Variants in XPO4 observed in about 807,000 individuals in gnomAD.
The protein encoded by XPO4 is exportin 4.
A neutral mutation model predicts 143.0 loss-of-function variants in XPO4; 39 were observed. The ratio of observed to expected loss-of-function variants is 0.27; its 90% CI spans 0.21 to 0.36. The LOEUF (loss-of-function observed/expected upper bound fraction) is 0.36. Ranked by LOEUF, XPO4 falls within the 10% of genes least tolerant of loss-of-function variation. XPO4 has a pLI of 1.00. For synonymous variants in XPO4, 439 were observed against 474.0 expected, an observed-to-expected ratio of 0.93 and a Z score of 0.96; for missense variants, 907 against 1,348.0, an observed-to-expected ratio of 0.67 and a Z score of 5.12.
chr13:20,855,327 T>C (rs975201111), intron 4 of XPO4, among the ~76,000 whole-genome samples: 1 of 151,846 alleles, frequency 6.6e-6, no homozygotes, highest in Non-Finnish European at 1.5e-5. Context: ...TGGTGGCACA[T>C]GCCTGTAATC....
chr13:20,813,108 G>A lies in XPO4; in HGVS notation c.1174-3141C>T, dbSNP rs190204576. Among the ~76,000 whole-genome samples, 557 of 152,260 alleles carry A rather than the reference G, an allele frequency of 3.7e-3. 4 individuals carry two copies. The Middle Eastern group carries it at 0.054, about 15-fold the overall frequency. On this transcript the variant is annotated intron_variant, in intron 9 of 22. Transcript: ENST00000255305. ...CATGTCTTAGCATGGCAGAGCAGGA[G>A]GGAAACAGTGAGGAGATAACTGCCA...
At chr13:20,858,621 T>C (rs1044762349) in intron 3 of XPO4, among the ~76,000 whole-genome samples, 6 of 151,972 alleles carry the variant, frequency 3.9e-5, no homozygotes, top group African/African-American at 1.5e-4. Context: ...CCTGTAATCT[T>C]AGCACTTAGG....
intron 4 of XPO4, among the ~76,000 whole-genome samples, chr13:20,844,402 A>G (rs1360090214): frequency 1.3e-5 from 2 of 152,208 alleles, no homozygotes; most frequent in African/African-American, 2.4e-5. Flanking sequence ...GTAATACCCA[A>G]AAGTTTTTTA....
intron 9 of XPO4, among the ~76,000 whole-genome samples, chr13:20,817,402 C>T (rs1297575690): frequency 6.6e-6 from 1 of 152,210 alleles, no homozygotes; most frequent in Non-Finnish European, 1.5e-5. Context: ...CTATAATCAA[C>T]TTCCTAAAAA....
intron 14 of XPO4, 100 bp from the exon 15 acceptor site, chr13:20,800,425 G>C (rs1443771405): frequency 4.4e-6 from 5 of 1,147,518 alleles, no homozygotes; most frequent in Non-Finnish European, 6.1e-6. Context: ...CTAATCTGAA[G>C]TAGTGCTTAC....
At chr13:20,794,350 A>G (rs1270789151) in intron 18 of XPO4, among the ~76,000 whole-genome samples, 4 of 152,192 alleles carry the variant, frequency 2.6e-5, no homozygotes, top group Non-Finnish European at 2.9e-5. Context: ...AAATGATGAT[A>G]CTATTTCTAG....
At chr13:20,833,976 ACAAC>A (rs2059884800) in intron 6 of XPO4, among the ~76,000 whole-genome samples, 2 of 152,164 alleles carry the variant, frequency 1.3e-5, no homozygotes, top group Admixed American at 1.3e-4. Flanking sequence ...CTTTCTTTGC[ACAAC>A]AGTGATCTAA....
intron 9 of XPO4, among the ~76,000 whole-genome samples, chr13:20,813,407 G>C (rs750149361): frequency 5.9e-5 from 9 of 152,142 alleles, no homozygotes; most frequent in African/African-American, 9.7e-5. Flanking sequence ...CATTTCAAAA[G>C]AGGAATCACA....
intron 2 of XPO4, among the ~76,000 whole-genome samples, chr13:20,868,006 T>C (rs912150890): frequency 1.3e-5 from 2 of 152,216 alleles, no homozygotes; most frequent in African/African-American, 4.8e-5. Flanking sequence ...TTTCTTGTGA[T>C]TCTTTTAGAA....
intron 18 of XPO4, among the ~76,000 whole-genome samples, chr13:20,794,264 T>TA (rs2059326209): frequency 6.6e-6 from 1 of 152,068 alleles, no homozygotes; most frequent in Non-Finnish European, 1.5e-5. Flanking sequence ...CTAGGAAACT[T>TA]AGTCAAAATA....
intron 4 of XPO4, chr13:20,852,087 G>A (rs2060095329): frequency 2.0e-6 from 2 of 985,408 alleles, no homozygotes; most frequent in South Asian, 9.4e-5. Flanking sequence ...GCTACTTGTA[G>A]GGGGTGAGGG....
At chr13:20,817,163 G>C (rs1458459846) in intron 9 of XPO4, among the ~76,000 whole-genome samples, 1 of 152,216 alleles carries the variant, frequency 6.6e-6, no homozygotes, top group Non-Finnish European at 1.5e-5. Context: ...CAACCATCCA[G>C]AGAATAAGTA....
At chr13:20,851,413 G>C (rs1242928192) in intron 4 of XPO4, 3 of 985,040 alleles carry the variant, frequency 3.0e-6, no homozygotes, top group Non-Finnish European at 3.6e-6. Flanking sequence ...CTCAGCCCTG[G>C]TATTAAAAAT....
intron 13 of XPO4, among the ~76,000 whole-genome samples, chr13:20,801,595 T>C (rs917931528): frequency 1.3e-5 from 2 of 152,238 alleles, no homozygotes; most frequent in African/African-American, 4.8e-5. Context: ...ACATAATTCA[T>C]ATGGTCGTGT....
chr13:20,791,342 G>A (rs1289305435), intron 18 of XPO4, among the ~76,000 whole-genome samples: 1 of 152,004 alleles, frequency 6.6e-6, no homozygotes, highest in Non-Finnish European at 1.5e-5. Context: ...AACCTCAAAA[G>A]CAATATATTA....
chr13:20,896,409 T>G (rs918397447), intron 1 of XPO4, among the ~76,000 whole-genome samples: 2 of 152,208 alleles, frequency 1.3e-5, no homozygotes, highest in Non-Finnish European at 2.9e-5. Flanking sequence ...CTCTTTTATA[T>G]TCTGCAAATA....
Position 20,809,106 on chromosome 13 carries a change from T to C in XPO4, c.1470A>G (p.Glu490=), listed in dbSNP as rs747075370. The stretch of plus-strand genomic sequence containing the variant: ...ACCTTGTCAGAAGAGGTATACAGTG[T>C]TCTGCAGCAATTCTTCCTAGCATTC... ...SVGMLGRIAA[E]HCIPLLTSLL... Residue 490 remains glutamate (E), a synonymous_variant, in exon 11 of 23, where the codon GAA becomes GAG. Transcript: ENST00000255305. 33 of 1,613,890 alleles carry C rather than the reference T, an allele frequency of 2.0e-5. No individual in the cohort carries two copies. The highest frequency in any genetic ancestry group is 2.4e-5 in the Non-Finnish European group (28 of 1,179,918).
chr13:20,899,938 A>C (rs2060604685), intron 1 of XPO4, among the ~76,000 whole-genome samples: 1 of 152,254 alleles, frequency 6.6e-6, no homozygotes, highest in Admixed American at 6.5e-5. Context: ...AAGATGAATT[A>C]ATTTACCTCC....
chr13:20,864,360 T>C (rs967718265), intron 2 of XPO4, among the ~76,000 whole-genome samples: 2 of 152,174 alleles, frequency 1.3e-5, no homozygotes, highest in Non-Finnish European at 2.9e-5. Flanking sequence ...TGTTTGCCTA[T>C]CTTCATTTTC....
Sources: gnomAD v4.1 joint callset for allele counts (sites outside exome capture counted in the v4.1 genomes callset) on GRCh38, gnomAD v4.1.1 for gene constraint, MANE v1.5 for transcripts, NCBI Gene and HGNC (gene_info 2026-07-23, HGNC 2026-07-21) for gene names.